SV2B: variants seen among roughly 807,000 people sequenced by gnomAD.
SV2B encodes solute carrier family 22 member B2.
In SV2B, 41 loss-of-function variants were observed where a neutral mutation model predicts 73.9. That is an observed-to-expected ratio of 0.56 (90% CI 0.43 to 0.72). The LOEUF (loss-of-function observed/expected upper bound fraction) is 0.72. SV2B is among the 30% of genes least tolerant of loss of function. SV2B has a pLI of 0.00. For missense variants in SV2B, 764 were observed against 857.8 expected (o/e 0.89, Z 1.37); for synonymous variants, 314 against 314.2 (o/e 1.00, Z 0.01).
chr15:91,207,788 C>G (rs1036033486), intron 1 of SV2B, among the ~76,000 whole-genome samples: 2 of 152,294 alleles, frequency 1.3e-5, no homozygotes, highest in Admixed American at 6.5e-5. Context: ...GGCAAAAGAG[C>G]ATGCTCTATT....
rs1012666238 is a variant in SV2B, at chr15:91,245,917, T to C, written c.452-5902T>C. 1.3e-4 allele frequency among the ~76,000 whole-genome samples: 20 copies of C among 152,082 alleles called. No individual in the cohort carries two copies. The highest frequency in any genetic ancestry group is 4.8e-4 in the African/African-American group (20 of 41,412). On this transcript the variant is annotated intron_variant, in intron 2 of 12. Transcript: ENST00000394232. The surrounding 1 kb of genome is among the most constrained non-coding windows in gnomAD (Gnocchi z 4.2). Reference sequence around the variant, plus strand: ...TAATAATATGATGTGACAGAGACCATAGAAGATTGGCAAAGTACATTTTAC... The same window carrying C: ...TAATAATATGATGTGACAGAGACCACAGAAGATTGGCAAAGTACATTTTAC...
intron 9 of SV2B, among the ~76,000 whole-genome samples, chr15:91,277,248 G>A (rs984391795): frequency 6.6e-6 from 1 of 152,192 alleles, no homozygotes; most frequent in Admixed American, 6.5e-5. Context: ...ATGTGGGGAG[G>A]TTAAGAAAAT....
At chr15:91,100,195 C>A (rs1447865753), upstream of SV2B, 1 of 151,580 alleles carries the variant, frequency 6.6e-6, no homozygotes, top group South Asian at 2.1e-4. This position sits in a 1 kb window ranked among gnomAD's most constrained non-coding sequence, Gnocchi z 6.4. Context: ...TGCGCCTGGG[C>A]GGCTGGCGGG....
At chr15:91,255,044 G>T (rs2047634568) in intron 4 of SV2B, among the ~76,000 whole-genome samples, 1 of 152,106 alleles carries the variant, frequency 6.6e-6, no homozygotes, top group Non-Finnish European at 1.5e-5. Flanking sequence ...CTATGGGTAG[G>T]GTCAGTCCCA....
At position 91,283,973 on chromosome 15, in the gene SV2B, C is replaced by G. The variant is rs756813533; in HGVS notation, c.1508-48C>G. The G allele has an allele frequency of 3.1e-6, 5 of 1,600,478 alleles. No homozygotes were observed. The highest frequency in any genetic ancestry group is 4.3e-6 in the Non-Finnish European group (5 of 1,168,706). ...CATCCCTGCCTCTGCCTTTCTCTCTCCAGCTCCCTTCCACTTACATGAACC... is the reference window on the plus strand; with the variant it reads ...CATCCCTGCCTCTGCCTTTCTCTCTGCAGCTCCCTTCCACTTACATGAACC... On this transcript the variant is annotated intron_variant, in intron 10 of 12. Transcript: ENST00000394232. The surrounding 1 kb of genome is among the most constrained non-coding windows in gnomAD (Gnocchi z 4.3).
chr15:91,258,858 C>G lies in SV2B; in HGVS notation c.918+304C>G, dbSNP rs577827253. 6.6e-6 allele frequency among the ~76,000 whole-genome samples: 1 copy of G among 151,030 alleles called. No individual in the cohort carries two copies. Among genetic ancestry groups the G allele is most frequent in the African/African-American group, 2.4e-5 (1 of 41,074 alleles). ...CTCCTGAGCTGCCTCATGGCACCCA[C>G]TGTCCCCCGAGGTCCTGATTAGGAA... is the stretch of plus-strand genomic sequence containing the variant. On this transcript the variant is annotated intron_variant, in intron 5 of 12. Transcript: ENST00000394232. The surrounding 1 kb of genome is among the most constrained non-coding windows in gnomAD (Gnocchi z 4.7).
intron 1 of SV2B, among the ~76,000 whole-genome samples, chr15:91,127,699 A>G (rs1048796616): frequency 1.1e-4 from 17 of 152,048 alleles, no homozygotes; most frequent in Non-Finnish European, 2.4e-4. Flanking sequence ...TGCAGGGGGA[A>G]GTGTGGTGGG....
At chr15:91,200,488 G>A (rs1285323264) in intron 1 of SV2B, among the ~76,000 whole-genome samples, 1 of 152,212 alleles carries the variant, frequency 6.6e-6, no homozygotes, top group Non-Finnish European at 1.5e-5. Context: ...TGGCTGTAAA[G>A]AGTCTCAGTA....
intron 1 of SV2B, among the ~76,000 whole-genome samples, chr15:91,151,731 C>G (rs1462097272): frequency 6.6e-6 from 1 of 152,176 alleles, no homozygotes; most frequent in Non-Finnish European, 1.5e-5. Flanking sequence ...GTGTTTTCGT[C>G]AGAAACCCCT....
intron 1 of SV2B, among the ~76,000 whole-genome samples, chr15:91,131,088 G>C (rs1252449363): frequency 2.6e-5 from 4 of 151,610 alleles, no homozygotes; most frequent in Admixed American, 6.6e-5. Flanking sequence ...ATGAACTAGC[G>C]AGTGAGGTCA....
intron 1 of SV2B, among the ~76,000 whole-genome samples, chr15:91,160,332 T>G (rs3862440): frequency 0.34 from 52,033 of 152,090 alleles, 9,734 homozygotes; most frequent in East Asian, 0.64. Context: ...TAGCATAGGT[T>G]GGGCAGTGGC....
At chr15:91,248,148 C>T (rs532503028) in intron 2 of SV2B, among the ~76,000 whole-genome samples, 4 of 152,040 alleles carry the variant, frequency 2.6e-5, no homozygotes, top group African/African-American at 4.8e-5. Context: ...GGTGAAACCC[C>T]GTCTCTACTA....
At position 91,292,718 on chromosome 15, in the gene SV2B, T is replaced by C. The variant is rs138673026; in HGVS notation, c.*166T>C. 1.2e-6 allele frequency: 1 copy of C among 811,980 alleles called. No individual in the cohort carries two copies. The highest frequency in any genetic ancestry group is 1.8e-6 in the Non-Finnish European group (1 of 551,454). 50.3% of individuals were successfully genotyped at this position (811,980 alleles called of 1,614,324 possible). A position where few individuals can be genotyped will look rare whatever the true frequency, so the allele number is the denominator to read the frequency against. On this transcript the variant is annotated 3_prime_UTR_variant, in exon 13 of 13. Transcript: ENST00000394232. ...CCCACTTCAGCTGTCAATATGTTTG[T>C]AACTCAGGTGACTGATTTGGGGGTG...
chr15:91,201,362 C>T (rs1385951193), intron 1 of SV2B, among the ~76,000 whole-genome samples: 11 of 152,342 alleles, frequency 7.2e-5, no homozygotes, highest in South Asian at 6.2e-4. Context: ...AGCCTCATAA[C>T]GACCTGATAA....
In SV2B at chr15:91,276,988, T is replaced by C. The variant is rs909659767; in HGVS notation, c.1374-4740T>C. ...GGCATGCAACACCACACCTGGCTAATTTTTTGTATTTTTAGTAGAGACGGG... is the reference window on the plus strand; with the variant it reads ...GGCATGCAACACCACACCTGGCTAACTTTTTGTATTTTTAGTAGAGACGGG... On this transcript the variant is annotated intron_variant, in intron 9 of 12. Transcript: ENST00000394232. Among the ~76,000 whole-genome samples the C allele has an allele frequency of 1.4e-4, 21 of 152,090 alleles. 1 individual carries two copies. The South Asian group carries it at 4.4e-3, about 32-fold the overall frequency.
intron 1 of SV2B, among the ~76,000 whole-genome samples, chr15:91,193,397 A>C (rs1293097922): frequency 1.3e-5 from 2 of 152,156 alleles, no homozygotes; most frequent in African/African-American, 2.4e-5. Flanking sequence ...ACATTGCCCA[A>C]GTTGGATATT....
chr15:91,121,292 G>A lies in SV2B; in HGVS notation c.-392+20929G>A, dbSNP rs138827192. Among the ~76,000 whole-genome samples, 25 of 152,240 alleles carry A rather than the reference G, an allele frequency of 1.6e-4. No individual in the cohort carries two copies. The East Asian group carries it at 4.4e-3, about 27-fold the overall frequency. On this transcript the variant is annotated intron_variant, in intron 1 of 12. Transcript: ENST00000394232. The surrounding 1 kb of genome is among the most constrained non-coding windows in gnomAD (Gnocchi z 4.4). ...CTGGCTGTACTTTAGAATCAAGTGA[G>A]AAATTTATTAATTTTCCCCCCTAAC...
At chr15:91,200,891 A>G (rs1390128634) in intron 1 of SV2B, among the ~76,000 whole-genome samples, 1 of 152,222 alleles carries the variant, frequency 6.6e-6, no homozygotes, top group East Asian at 1.9e-4. Flanking sequence ...AGCCTCGGTG[A>G]TGGAGAACCT....
In SV2B at chr15:91,141,844, AG is replaced by A. The variant is rs1882178304; in HGVS notation, c.-392+41484del. Among the ~76,000 whole-genome samples the A allele has an allele frequency of 6.6e-6, 1 of 152,102 alleles. No individual in the cohort carries two copies. Among genetic ancestry groups the A allele is most frequent in the Admixed American group, 6.6e-5 (1 of 15,260 alleles). On this transcript the variant is annotated intron_variant, in intron 1 of 12. Transcript: ENST00000394232. This position sits in a 1 kb window ranked among gnomAD's most constrained non-coding sequence, Gnocchi z 4.6. ...CAGAGAGTTAGATGCTGTACCTGAAAGGGTGTATGTTTAAAAGACTGACACT... is the reference window on the plus strand; with the variant it reads ...CAGAGAGTTAGATGCTGTACCTGAAAGGTGTATGTTTAAAAGACTGACACT...
Sources: allele counts gnomAD v4.1 joint callset (sites outside exome capture counted in the v4.1 genomes callset), GRCh38; gene constraint gnomAD v4.1.1; non-coding constraint Gnocchi (gnomAD v3.1); transcripts MANE v1.5; gene names NCBI Gene and HGNC (gene_info 2026-07-23, HGNC 2026-07-21).